BCL7B: variants seen among roughly 807,000 people sequenced by gnomAD.
BCL7B encodes B-cell CLL/lymphoma 7 protein family member B.
BCL7B carries 11 observed loss-of-function variants against 26.5 expected under a neutral mutation model. The ratio of observed to expected loss-of-function variants is 0.42; its 90% CI spans 0.26 to 0.69. BCL7B has a LOEUF of 0.69. BCL7B is among the 30% of genes least tolerant of loss of function. BCL7B has a pLI of 0.28. For missense variants in BCL7B, 215 were observed against 264.4 expected (o/e 0.81, Z 1.30); for synonymous variants, 111 against 107.9 (o/e 1.03, Z -0.18).
In BCL7B at chr7:73,543,545, C is replaced by T; in HGVS notation, c.265+3G>A. ...GCAAGGAAGACACAGAGATGCAACTCACCCTGGAATTCAAGAAGGAGAGAG... is the reference window on the plus strand; with the variant it reads ...GCAAGGAAGACACAGAGATGCAACTTACCCTGGAATTCAAGAAGGAGAGAG... On this transcript the variant is annotated splice_donor_region_variant and intron_variant, in intron 3 of 5. Coordinates refer to ENST00000223368, the MANE Select transcript of BCL7B (RefSeq NM_001707.4). The T allele has an allele frequency of 6.2e-7, 1 of 1,612,166 alleles. No individual in the cohort carries two copies. Among genetic ancestry groups the T allele is most frequent in the South Asian group, 1.1e-5 (1 of 91,026 alleles).
At chr7:73,556,527 C>G (rs1283522373) in intron 1 of BCL7B, among the ~76,000 whole-genome samples, 21 of 152,142 alleles carry the variant, frequency 1.4e-4, no homozygotes, top group African/African-American at 5.1e-4. Flanking sequence ...AAAGAGCTGA[C>G]GAAGTTGGCT....
chr7:73,554,796 CAA>C (rs550024405), intron 1 of BCL7B, among the ~76,000 whole-genome samples: 8 of 60,804 alleles, frequency 1.3e-4, no homozygotes, highest in East Asian at 5.9e-4. Context: ...GACTGGGTCT[CAA>C]AAAAAAAAAA....
chr7:73,542,390 T>G (rs1791801775), intron 3 of BCL7B, among the ~76,000 whole-genome samples: 1 of 152,176 alleles, frequency 6.6e-6, no homozygotes, highest in Non-Finnish European at 1.5e-5. Context: ...CTGGGTTAGC[T>G]CCAATCTGGT....
chr7:73,555,017 A>T (rs1792310579), intron 1 of BCL7B, among the ~76,000 whole-genome samples: 1 of 152,182 alleles, frequency 6.6e-6, no homozygotes, highest in Non-Finnish European at 1.5e-5. Flanking sequence ...ACCCTGTCTT[A>T]TATCTGGAAA....
chr7:73,552,303 T>C, intron 1 of BCL7B, 61 bp from the exon 2 acceptor site: 1 of 1,400,336 alleles, frequency 7.1e-7, no homozygotes, highest in Non-Finnish European at 1.0e-6. Flanking sequence ...TGTTCATCAC[T>C]TGTGTTTTTC....
intron 4 of BCL7B, among the ~76,000 whole-genome samples, chr7:73,538,700 C>T (rs917479677): frequency 4.0e-5 from 6 of 151,058 alleles, no homozygotes; most frequent in African/African-American, 9.7e-5. Context: ...TACAGTCCTA[C>T]TACTACGGAG....
At chr7:73,555,453 A>C (rs1792327675) in intron 1 of BCL7B, among the ~76,000 whole-genome samples, 2 of 151,914 alleles carry the variant, frequency 1.3e-5, no homozygotes, top group South Asian at 4.1e-4. Flanking sequence ...ATCTAATACA[A>C]CTGTGGAAAG....
At position 73,543,623 on chromosome 7, in the gene BCL7B, T is replaced by C; in HGVS notation, c.190A>G (p.Ser64Gly). ...CCATTAGGTTCTCGGGCTGCTGAAC[T>C]GTTCGATTTTGACTTTTCTTTCTAG... Reference protein sequence around the residue: ...SKEKEKSKSNSSAAREPNGFP... With the variant: ...SKEKEKSKSNGSAAREPNGFP... Residue 64 changes from serine to glycine, a missense_variant, in exon 3 of 6, where the codon AGT becomes GGT. Ser to Gly is a moderately conservative substitution (Grantham distance 56). Coordinates refer to ENST00000223368, the MANE Select transcript of BCL7B (RefSeq NM_001707.4). 1 of 1,613,582 alleles carries C rather than the reference T, an allele frequency of 6.2e-7. No individual in the cohort carries two copies. Among genetic ancestry groups the C allele is most frequent in the Non-Finnish European group, 8.5e-7 (1 of 1,179,830 alleles).
chr7:73,552,180 G>C lies in BCL7B; in HGVS notation c.155C>G (p.Thr52Arg). 12 of 1,609,724 alleles carry C rather than the reference G, an allele frequency of 7.5e-6. No homozygotes were observed. Among genetic ancestry groups the C allele is most frequent in the Non-Finnish European group, 9.3e-6 (11 of 1,178,734 alleles). The change falls in exon 2 of 6, where the codon ACA (threonine) becomes AGA (arginine). Residue 52 changes from threonine (T) to arginine (R), a missense_variant. Thr to Arg is a moderately conservative substitution (Grantham distance 71). Transcript: ENST00000223368. ...SLRIFKWVPV[T>R]DSKEKEKSKS... ...TTCCACACTTACCTCCTTGCTGTCT[G>C]TCACAGGAACCCACTTAAATATCCT... is the stretch of plus-strand genomic sequence containing the variant.
chr7:73,548,565 C>A (rs928007037), intron 2 of BCL7B, among the ~76,000 whole-genome samples: 4 of 151,818 alleles, frequency 2.6e-5, no homozygotes, highest in Non-Finnish European at 5.9e-5. Context: ...AGAAGTAAAC[C>A]GAGATTACAT....
chr7:73,557,036 C>T, intron 1 of BCL7B: 1 of 987,568 alleles, frequency 1.0e-6, no homozygotes, highest in African/African-American at 1.7e-5. Context: ...AACCCAGAAA[C>T]TCACCCAACT....
intron 2 of BCL7B, among the ~76,000 whole-genome samples, chr7:73,546,164 G>A (rs1001782631): frequency 2.0e-5 from 3 of 150,800 alleles, no homozygotes; most frequent in East Asian, 2.0e-4. Context: ...GAAAAACTAC[G>A]GATCAGGCTT....
intron 4 of BCL7B, 39 bp downstream of exon 4, chr7:73,539,843 C>A: frequency 6.2e-7 from 1 of 1,600,066 alleles, no homozygotes. Flanking sequence ...GAAAGCAAGG[C>A]CCTTCTAGGA....
rs782682936 is a variant in BCL7B, at chr7:73,536,901, G to A, written c.*397C>T. On this transcript the variant is annotated 3_prime_UTR_variant, in exon 6 of 6. Transcript: ENST00000223368. ...GAAAGTCCGGGAGTCTACAGTCTCC[G>A]TTCAAGTTCAAGTAACCTGAGGCAC... The A allele has an allele frequency of 5.9e-6, 1 of 168,230 alleles. No individual in the cohort carries two copies. The highest frequency in any genetic ancestry group is 2.4e-5 in the African/African-American group (1 of 42,334). 10.4% of individuals were successfully genotyped at this position (168,230 alleles called of 1,614,324 possible). A position where few individuals can be genotyped will look rare whatever the true frequency, so the allele number is the denominator to read the frequency against.
chr7:73,546,009 G>C (rs1475668928), intron 2 of BCL7B, among the ~76,000 whole-genome samples: 1 of 151,862 alleles, frequency 6.6e-6, no homozygotes, highest in Admixed American at 6.6e-5. Context: ...GCGGGTGCCT[G>C]TAGTCCCAGC....
intron 2 of BCL7B, among the ~76,000 whole-genome samples, chr7:73,545,313 C>T (rs980169722): frequency 2.0e-5 from 3 of 152,098 alleles, no homozygotes; most frequent in Admixed American, 1.3e-4. Context: ...CCCAGGTTCA[C>T]GCCATTCTCT....
At chr7:73,539,774 C>T (rs1791683675) in intron 4 of BCL7B, 108 bp downstream of exon 4, 2 of 1,322,032 alleles carry the variant, frequency 1.5e-6, no homozygotes, top group Non-Finnish European at 2.1e-6. Flanking sequence ...CTTGGTGCTG[C>T]CTGGCTCTGA....
chr7:73,549,491 CAAT>C (rs1384983366), intron 2 of BCL7B, among the ~76,000 whole-genome samples: 5 of 152,086 alleles, frequency 3.3e-5, no homozygotes, highest in South Asian at 2.1e-4. Context: ...GCCTGGGCAA[CAAT>C]GAGACCCCCC....
intron 2 of BCL7B, among the ~76,000 whole-genome samples, chr7:73,549,667 A>AT (rs1792084124): frequency 6.6e-6 from 1 of 152,214 alleles, no homozygotes; most frequent in Non-Finnish European, 1.5e-5. Flanking sequence ...AACAAAAAAA[A>AT]GAAAGAAAAA....
Sources: gnomAD v4.1 joint callset for allele counts (sites outside exome capture counted in the v4.1 genomes callset) on GRCh38, gnomAD v4.1.1 for gene constraint, MANE v1.5 for transcripts, NCBI Gene and HGNC (gene_info 2026-07-23, HGNC 2026-07-21) for gene names.